The following SNCAIP variants were observed in gnomAD, a reference collection of about 807,000 sequenced individuals.
SNCAIP encodes the protein synphilin-1.
SNCAIP carries 43 observed loss-of-function variants against 86.7 expected under a neutral mutation model. The observed-to-expected ratio is 0.50, with a 90% CI of 0.39 to 0.64. The LOEUF (loss-of-function observed/expected upper bound fraction) is 0.64, where lower values mean the gene tolerates loss of function less well. Among genes scored for constraint, SNCAIP ranks in the 30% least tolerant of loss-of-function variants. SNCAIP has a pLI of 0.00. For missense variants in SNCAIP, 981 were observed against 1,103.1 expected (o/e 0.89, Z 1.57); for synonymous variants, 417 against 427.2 (o/e 0.98, Z 0.29).
intron 1 of SNCAIP, among the ~76,000 whole-genome samples, chr5:122,319,256 G>A (rs971457918): frequency 1.3e-5 from 2 of 151,904 alleles, no homozygotes; most frequent in African/African-American, 4.8e-5. Flanking sequence ...GGAAAAAGGT[G>A]TATTTAAAGA....
chr5:122,343,478 T>C (rs1423847421), intron 1 of SNCAIP, among the ~76,000 whole-genome samples: 2 of 152,218 alleles, frequency 1.3e-5, no homozygotes, highest in Non-Finnish European at 2.9e-5. Flanking sequence ...AAGCAGTTTT[T>C]CTTAAAACTG....
Position 122,440,655 on chromosome 5 carries a change from G to A in SNCAIP, c.1323G>A (p.Gln441=). ...AAAAGATTCTTCTGTGGCTTCTTCAGTTTATGCAAGAACAGGGCATCTCGT... is the reference window on the plus strand; with the variant it reads ...AAAAGATTCTTCTGTGGCTTCTTCAATTTATGCAAGAACAGGGCATCTCGT... ...GQEKILLWLL[Q]FMQEQGISLD... Residue 441 remains glutamine (Q), a synonymous_variant, in exon 7 of 11, where the codon CAG becomes CAA. Transcript: ENST00000261368. 6.2e-7 allele frequency: 1 copy of A among 1,613,942 alleles called. No homozygotes were observed. The highest frequency in any genetic ancestry group is 1.1e-5 in the South Asian group (1 of 91,080).
chr5:122,383,882 G>T (rs1442208912), intron 1 of SNCAIP, among the ~76,000 whole-genome samples: 1 of 152,110 alleles, frequency 6.6e-6, no homozygotes, highest in Non-Finnish European at 1.5e-5. Context: ...TTCTTTAAAG[G>T]TGAAGTTGAA....
chr5:122,311,522 A>ACCTT (rs371550483), upstream of SNCAIP: 1,564 of 152,516 alleles, frequency 0.01, 19 homozygotes, highest in African/African-American at 0.035. Context: ...GGCAATGCCC[A>ACCTT]CCTTCCGTTC....
chr5:122,383,239 C>T (rs1224950095), intron 1 of SNCAIP, among the ~76,000 whole-genome samples: 5 of 152,202 alleles, frequency 3.3e-5, no homozygotes, highest in Non-Finnish European at 7.3e-5. Flanking sequence ...GATATAATCT[C>T]GTGATGCGCC....
At chr5:122,348,835 A>G (rs932349465) in intron 1 of SNCAIP, among the ~76,000 whole-genome samples, 2 of 152,182 alleles carry the variant, frequency 1.3e-5, no homozygotes, top group African/African-American at 4.8e-5. Context: ...TATTTCTGCC[A>G]TAACAGGTCT....
chr5:122,351,536 CAAAAA>C (rs541191012), intron 1 of SNCAIP, among the ~76,000 whole-genome samples: 916 of 36,418 alleles, frequency 0.025, 5 homozygotes, highest in Middle Eastern at 0.23. Flanking sequence ...GACTCTGTAT[CAAAAA>C]AAAAAAAAAA....
intron 1 of SNCAIP, among the ~76,000 whole-genome samples, chr5:122,365,665 T>G (rs962938137): frequency 6.6e-6 from 1 of 152,106 alleles, no homozygotes; most frequent in Non-Finnish European, 1.5e-5. Flanking sequence ...GGCGGCAGAG[T>G]AAGACCCTGT....
At chr5:122,349,903 A>G (rs1467302221) in intron 1 of SNCAIP, among the ~76,000 whole-genome samples, 1 of 152,176 alleles carries the variant, frequency 6.6e-6, no homozygotes, top group Admixed American at 6.5e-5. Flanking sequence ...GCAAGTCTGA[A>G]GACCACCTCT....
chr5:122,312,041 C>T (rs1750666373), upstream of SNCAIP: 1 of 146,810 alleles, frequency 6.8e-6, no homozygotes, highest in Non-Finnish European at 1.5e-5. Flanking sequence ...GCGCTGCGTT[C>T]CTTGTCCCCC....
At chr5:122,399,882 C>A (rs1399148778) in intron 2 of SNCAIP, among the ~76,000 whole-genome samples, 1 of 152,090 alleles carries the variant, frequency 6.6e-6, no homozygotes, top group Non-Finnish European at 1.5e-5. Context: ...GCCCCACCCT[C>A]AGAGTTCCTG....
Position 122,390,995 on chromosome 5 carries a change from C to A in SNCAIP, c.-46-94C>A, listed in dbSNP as rs1454799960. Reference sequence around the variant, plus strand: ...CAAGGCAACACTAGCACCCAATAACCCTTCTCATCTTATTTGTTTAAATGT... The same window carrying A: ...CAAGGCAACACTAGCACCCAATAACACTTCTCATCTTATTTGTTTAAATGT... On this transcript the variant is annotated intron_variant, in intron 1 of 10. Transcript: ENST00000261368. 1.1e-5 allele frequency: 8 copies of A among 713,462 alleles called. No individual in the cohort carries two copies. In the Admixed American group the frequency reaches 1.4e-4, roughly 12 times the overall value. 44.2% of individuals were successfully genotyped at this position (713,462 alleles called of 1,614,324 possible).
chr5:122,435,763 T>C (rs926509857), intron 6 of SNCAIP, among the ~76,000 whole-genome samples: 3 of 152,156 alleles, frequency 2.0e-5, no homozygotes, highest in African/African-American at 7.2e-5. Context: ...TCCCGCAGGC[T>C]GTGTTATTGT....
chr5:122,367,921 C>T (rs1458127179), intron 1 of SNCAIP, among the ~76,000 whole-genome samples: 1 of 151,986 alleles, frequency 6.6e-6, no homozygotes, highest in Non-Finnish European at 1.5e-5. Flanking sequence ...TGTATACATA[C>T]ACACATAGGT....
intron 3 of SNCAIP, among the ~76,000 whole-genome samples, chr5:122,407,194 G>C (rs76832023): frequency 3.9e-5 from 6 of 152,272 alleles, no homozygotes; most frequent in Non-Finnish European, 8.8e-5. Flanking sequence ...ATGAGAGACT[G>C]TGGTAATTTT....
Position 122,451,183 on chromosome 5 carries a change from A to C in SNCAIP, c.2336A>C (p.Gln779Pro). The C allele has an allele frequency of 6.2e-7, 1 of 1,614,108 alleles. No homozygotes were observed. Among genetic ancestry groups the C allele is most frequent in the East Asian group, 2.2e-5 (1 of 44,874 alleles). ...IPPNQPSGDP[Q>P]QPSPDSTAAQ... ...CCAAACCAGCCCTCTGGTGACCCTCAGCAGCCCAGCCCTGACAGTACTGCT... is the reference window on the plus strand; with the variant it reads ...CCAAACCAGCCCTCTGGTGACCCTCCGCAGCCCAGCCCTGACAGTACTGCT... Residue 779 changes from glutamine to proline, a missense_variant, in exon 10 of 11, where the codon CAG (glutamine) becomes CCG (proline). Gln to Pro is a moderately conservative substitution (Grantham distance 76). Transcript: ENST00000261368.
At chr5:122,431,920 A>G (rs757865866) in intron 5 of SNCAIP, 49 bp from the exon 6 acceptor site, 22 of 921,214 alleles carry the variant, frequency 2.4e-5, no homozygotes, top group South Asian at 2.3e-4. Context: ...GTATTTTTCA[A>G]ACCTGAGTTA....
intron 1 of SNCAIP, among the ~76,000 whole-genome samples, chr5:122,315,562 G>C (rs190183940): frequency 2.0e-5 from 3 of 152,292 alleles, no homozygotes; most frequent in African/African-American, 7.2e-5. Context: ...CTACATTTTT[G>C]AGGATACTTG....
chr5:122,441,667 G>A, intron 7 of SNCAIP, among the ~76,000 whole-genome samples: 1 of 152,136 alleles, frequency 6.6e-6, no homozygotes, highest in Non-Finnish European at 1.5e-5. Context: ...CCCAACAAAG[G>A]TCTCCAGGAG....
Sources: gnomAD v4.1 joint callset for allele counts (sites outside exome capture counted in the v4.1 genomes callset) on GRCh38, gnomAD v4.1.1 for gene constraint, MANE v1.5 for transcripts, NCBI Gene and HGNC (gene_info 2026-07-23, HGNC 2026-07-21) for gene names.